CLEC2A: variants seen among roughly 807,000 people sequenced by gnomAD.
CLEC2A encodes C-type lectin domain family 2 member A, also known as keratinocyte-associated C-type lectin.
In CLEC2A, 19 loss-of-function variants were observed where a neutral mutation model predicts 18.6. The ratio of observed to expected loss-of-function variants is 1.02; its 90% confidence interval spans 0.71 to 1.50. CLEC2A has a LOEUF of 1.50. Among genes scored for constraint, CLEC2A ranks in the 40% most tolerant of loss-of-function variants. The pLI is 0.00. For synonymous variants in CLEC2A, 74 were observed against 64.0 expected (o/e 1.16, Z -0.75); for missense variants, 190 against 207.9 (o/e 0.91, Z 0.53).
the CLEC2A span, among the ~76,000 whole-genome samples, chr12:9,887,102 C>A: frequency 6.6e-6 from 1 of 151,880 alleles, no homozygotes; most frequent in Admixed American, 6.6e-5. Flanking sequence ...GCTCTTTTAA[C>A]AAGCTTCCAG....
At chr12:9,898,110 T>G (rs1387124379), downstream of CLEC2A, among the ~76,000 whole-genome samples, 1 of 152,254 alleles carries the variant, frequency 6.6e-6, no homozygotes, top group Non-Finnish European at 1.5e-5. Flanking sequence ...GTTCATTCCC[T>G]TTTTATCAAA....
At chr12:9,893,358 G>T in the CLEC2A span, 1 of 836,300 alleles carries the variant, frequency 1.2e-6, no homozygotes, top group East Asian at 2.7e-5. Context: ...CCGGCACAGA[G>T]ACTTACACTA....
the CLEC2A span, among the ~76,000 whole-genome samples, chr12:9,888,164 C>T: frequency 7.1e-6 from 1 of 141,192 alleles, no homozygotes; most frequent in Admixed American, 7.0e-5. Context: ...AAAAATGTAA[C>T]ATCATACATG....
the CLEC2A span, chr12:9,893,583 A>T: frequency 5.7e-6 from 4 of 699,958 alleles, no homozygotes; most frequent in East Asian, 8.9e-5. Context: ...ATGTTTATAG[A>T]ATTATTTTTA....
At chr12:9,905,385 G>A (rs980360908) in intron 4 of CLEC2A, among the ~76,000 whole-genome samples, 1 of 152,178 alleles carries the variant, frequency 6.6e-6, no homozygotes, top group African/African-American at 2.4e-5. Context: ...CAAGGGTGGC[G>A]TCTGTGCTAA....
At chr12:9,895,890 A>G, downstream of CLEC2A, 1 of 1,428,794 alleles carries the variant, frequency 7.0e-7, no homozygotes, top group Non-Finnish European at 9.1e-7. Flanking sequence ...GATTTTAAAG[A>G]CTTAAGATTT....
At chr12:9,895,085 T>C (rs1370575585), downstream of CLEC2A, among the ~76,000 whole-genome samples, 6 of 152,218 alleles carry the variant, frequency 3.9e-5, no homozygotes, top group Admixed American at 2.0e-4. Context: ...CCTAACCTTA[T>C]ACTGTGGAAG....
chr12:9,885,765 C>A, the CLEC2A span, among the ~76,000 whole-genome samples: 5 of 151,930 alleles, frequency 3.3e-5, no homozygotes, highest in Non-Finnish European at 7.4e-5. Context: ...CAATCATATA[C>A]CTCAAAATTG....
chr12:9,892,705 C>T, the CLEC2A span, among the ~76,000 whole-genome samples: 1 of 151,730 alleles, frequency 6.6e-6, no homozygotes, highest in Admixed American at 6.6e-5. Context: ...CTGCCTCAGC[C>T]TCCCAAGTAG....
intron 4 of CLEC2A, among the ~76,000 whole-genome samples, chr12:9,902,824 CTTCTGTATCATTCCCCAT>C (rs1260745403): frequency 6.6e-6 from 1 of 152,146 alleles, no homozygotes; most frequent in African/African-American, 2.4e-5. Flanking sequence ...GCAGTCCCTG[CTTCTGTATCATTCCCCAT>C]TGGCTGGAGT....
At chr12:9,891,183 A>G in the CLEC2A span, among the ~76,000 whole-genome samples, 1 of 152,134 alleles carries the variant, frequency 6.6e-6, no homozygotes, top group Non-Finnish European at 1.5e-5. Context: ...CTAAGTGTAT[A>G]TAAGGTGCTT....
At chr12:9,921,122 G>A (rs1040137818) in intron 3 of CLEC2A, among the ~76,000 whole-genome samples, 7 of 152,116 alleles carry the variant, frequency 4.6e-5, no homozygotes, top group African/African-American at 1.4e-4. Flanking sequence ...AAAGTAGGGA[G>A]AGTTATATAA....
the CLEC2A span, chr12:9,892,954 G>C: frequency 8.1e-7 from 1 of 1,236,360 alleles, no homozygotes; most frequent in East Asian, 2.6e-5. Flanking sequence ...AGTCACATTT[G>C]ATAATATTTC....
intron 4 of CLEC2A, among the ~76,000 whole-genome samples, chr12:9,899,516 T>C (rs1293578251): frequency 3.3e-5 from 5 of 152,126 alleles, no homozygotes; most frequent in Non-Finnish European, 5.9e-5. Flanking sequence ...CCTGACTCCC[T>C]TCTCTTCCTA....
At chr12:9,896,816 C>T (rs1862761497), downstream of CLEC2A, among the ~76,000 whole-genome samples, 1 of 150,852 alleles carries the variant, frequency 6.6e-6, no homozygotes. Flanking sequence ...TGTCTATCTG[C>T]TTTTATTTTT....
At chr12:9,893,083 C>G in the CLEC2A span, 3 of 1,535,472 alleles carry the variant, frequency 2.0e-6, no homozygotes, top group Non-Finnish European at 2.6e-6. Flanking sequence ...TGGTTTTCAA[C>G]TTCTTTTAAA....
the CLEC2A span, chr12:9,893,588 T>A: frequency 1.9e-4 from 124 of 662,464 alleles, no homozygotes; most frequent in Non-Finnish European, 2.0e-4. Context: ...TATAGAATTA[T>A]TTTTATATTA....
Position 9,907,118 on chromosome 12 carries a change from C to A in CLEC2A, c.411-8142G>T, listed in dbSNP as rs1219933942. Among the ~76,000 whole-genome samples the A allele has an allele frequency of 2.0e-5, 3 of 152,178 alleles. 1 individual carries two copies. Among genetic ancestry groups the A allele is most frequent in the Non-Finnish European group, 4.4e-5 (3 of 68,036 alleles). On this transcript the variant is annotated intron_variant, in intron 4 of 4. Transcript: ENST00000339766. The stretch of plus-strand genomic sequence containing the variant: ...AGACTGAATGCATTCAGGCCACCCA[C>A]TTGTACTAGGTTTAAAACCTTTGAC...
intron 4 of CLEC2A, among the ~76,000 whole-genome samples, chr12:9,901,048 C>T (rs149086804): frequency 2.0e-5 from 3 of 152,156 alleles, no homozygotes; most frequent in East Asian, 3.9e-4. Context: ...TTATTAAAGG[C>T]CGTAAATAAT....
Sources: allele counts gnomAD v4.1 joint callset (sites outside exome capture counted in the v4.1 genomes callset), GRCh38; gene constraint gnomAD v4.1.1; transcripts MANE v1.5; gene names NCBI Gene and HGNC (gene_info 2026-07-23, HGNC 2026-07-21).